KCNQ2: variants seen among roughly 807,000 people sequenced by gnomAD.
KCNQ2 encodes the protein potassium voltage-gated channel subfamily Q member 2.
KCNQ2 carries 14 observed loss-of-function variants against 84.8 expected under a neutral mutation model. That is an observed-to-expected ratio of 0.17 (90% CI 0.11 to 0.26). The LOEUF (loss-of-function observed/expected upper bound fraction) is 0.26, where lower values mean the gene tolerates loss of function less well. KCNQ2 is among the 10% of genes least tolerant of loss of function. KCNQ2 has a pLI of 1.00. For synonymous variants in KCNQ2, 599 were observed against 554.1 expected, an observed-to-expected ratio of 1.08 and a Z score of -1.14; for missense variants, 788 against 1,254.0, an observed-to-expected ratio of 0.63 and a Z score of 5.61.
intron 15 of KCNQ2, among the ~76,000 whole-genome samples, chr20:63,410,683 G>A (rs1330996906): frequency 6.6e-6 from 1 of 152,184 alleles, no homozygotes; most frequent in Non-Finnish European, 1.5e-5. Context: ...GGAGGAGCAC[G>A]GGGCTGACAT....
chr20:63,419,143 G>C (rs988241788), intron 12 of KCNQ2, among the ~76,000 whole-genome samples: 1 of 152,230 alleles, frequency 6.6e-6, no homozygotes, highest in Non-Finnish European at 1.5e-5. Flanking sequence ...TTGGGAGAGG[G>C]AGCCGCGGGC....
At chr20:63,419,002 C>A (rs1192619889) in intron 12 of KCNQ2, among the ~76,000 whole-genome samples, 1 of 152,204 alleles carries the variant, frequency 6.6e-6, no homozygotes, top group Non-Finnish European at 1.5e-5. Flanking sequence ...CAGGCCTGCA[C>A]ACACCCAACA....
At chr20:63,429,016 C>G (rs1029622408) in intron 9 of KCNQ2, among the ~76,000 whole-genome samples, 2 of 152,020 alleles carry the variant, frequency 1.3e-5, no homozygotes, top group African/African-American at 4.8e-5. Context: ...TGCTCCGAGC[C>G]CCCTTCCCAG....
chr20:63,407,172 G>T lies in KCNQ2; in HGVS notation c.2091C>A (p.Gly697=). Residue 697 remains glycine, a synonymous_variant, in exon 17 of 17, where the codon GGC becomes GGA. Coordinates refer to ENST00000359125, the MANE Select transcript of KCNQ2 (RefSeq NM_172107.4). This position sits in a 1 kb window ranked among gnomAD's most constrained non-coding sequence, Gnocchi z 7.2. ...VKIVRSSSST[G]QKNFSAPPAA... ...CCGGGGGCGCCGAGAAGTTCTTCTG[G>T]CCCGTGGAGCTGCTGGAGCGCACGA... 6.2e-7 allele frequency: 1 copy of T among 1,603,012 alleles called. No individual in the cohort carries two copies.
chr20:63,443,084 CCATTATCACCACCAT>C (rs1466147256), intron 4 of KCNQ2, among the ~76,000 whole-genome samples: 2 of 46,658 alleles, frequency 4.3e-5, no homozygotes, highest in East Asian at 1.3e-3. Flanking sequence ...ACCACCACCA[CCATTATCACCACCAT>C]CACCATCACC....
In KCNQ2 at chr20:63,400,663, C is replaced by A; in HGVS notation, c.*5981G>T. The A allele has an allele frequency of 2.5e-6, 1 of 398,662 alleles. No individual in the cohort carries two copies. Among genetic ancestry groups the A allele is most frequent in the South Asian group, 1.3e-4 (1 of 7,866 alleles). The allele number at this position is 398,662 out of a possible 1,614,324, so 24.7% of individuals were successfully genotyped here. Reference sequence around the variant, plus strand: ...GCGCAAATGGGGAAGCTGCAGCCACCGTCACGGCCAGAGGATGGCAGACTG... The same window carrying A: ...GCGCAAATGGGGAAGCTGCAGCCACAGTCACGGCCAGAGGATGGCAGACTG... On this transcript the variant is annotated 3_prime_UTR_variant, in exon 17 of 17. Transcript: ENST00000359125. This position sits in a 1 kb window ranked among gnomAD's most constrained non-coding sequence, Gnocchi z 8.7.
intron 10 of KCNQ2, among the ~76,000 whole-genome samples, chr20:63,427,547 T>C (rs561683607): frequency 5.0e-4 from 76 of 152,382 alleles, no homozygotes; most frequent in Non-Finnish European, 7.3e-4. Context: ...GGGCGGGGCC[T>C]GCTCCCTCCG....
rs372098689 is a variant in KCNQ2, at chr20:63,414,234, G to T, written c.1526-41C>A. On this transcript the variant is annotated intron_variant, in intron 13 of 16. Coordinates refer to ENST00000359125, the MANE Select transcript of KCNQ2 (RefSeq NM_172107.4). This position sits in a 1 kb window ranked among gnomAD's most constrained non-coding sequence, Gnocchi z 6.6. ...CAGGCCGTGAGGGGCCGAGGGGGCC[G>T]GGAGACCTATTCCCGGGGTCCTGCA... 1 of 1,448,658 alleles carries T rather than the reference G, an allele frequency of 6.9e-7. No homozygotes were observed. Among genetic ancestry groups the T allele is most frequent in the Non-Finnish European group, 9.7e-7 (1 of 1,031,428 alleles). The allele number at this position is 1,448,658 out of a possible 1,614,324, so 89.7% of individuals were successfully genotyped here.
At chr20:63,443,014 C>T (rs1247451204) in intron 4 of KCNQ2, among the ~76,000 whole-genome samples, 3 of 68,776 alleles carry the variant, frequency 4.4e-5, no homozygotes, top group African/African-American at 5.4e-5. Flanking sequence ...CCATCACCAT[C>T]ACCACCACCA....
intron 12 of KCNQ2, among the ~76,000 whole-genome samples, chr20:63,418,038 C>T (rs2080350406): frequency 6.6e-6 from 1 of 152,170 alleles, no homozygotes; most frequent in African/African-American, 2.4e-5. Flanking sequence ...TGGACATGTC[C>T]TTCCCTCCCC....
At chr20:63,409,044 T>C (rs964692650) in intron 15 of KCNQ2, among the ~76,000 whole-genome samples, 13 of 152,118 alleles carry the variant, frequency 8.5e-5, no homozygotes, top group African/African-American at 3.1e-4. Flanking sequence ...CCGGGTCTGA[T>C]GGGGACGGAG....
intron 6 of KCNQ2, among the ~76,000 whole-genome samples, chr20:63,439,112 G>A (rs756325700): frequency 2.0e-5 from 3 of 152,220 alleles, no homozygotes; most frequent in African/African-American, 4.8e-5. Flanking sequence ...CCATCTTGAA[G>A]GGCACACAGT....
At chr20:63,442,716 C>CCATCATCACCAT (rs2081215717) in intron 4 of KCNQ2, among the ~76,000 whole-genome samples, 185 bp from the exon 5 acceptor site, 1 of 56,466 alleles carries the variant, frequency 1.8e-5, no homozygotes, top group Admixed American at 1.8e-4. Context: ...ATCACCACCA[C>CCATCATCACCAT]CACCACCATC....
chr20:63,454,086 G>A (rs575303002), intron 1 of KCNQ2, among the ~76,000 whole-genome samples: 21 of 152,310 alleles, frequency 1.4e-4, no homozygotes, highest in Admixed American at 7.2e-4. Flanking sequence ...GAATGCAGCC[G>A]GATGCGGCCG....
At chr20:63,445,622 T>TGAGGACTCTATCCGGGCTA in intron 2 of KCNQ2, 2 of 581,602 alleles carry the variant, frequency 3.4e-6, no homozygotes, top group Non-Finnish European at 6.1e-6. Context: ...CTGTCTGAGC[T>TGAGGACTCTATCCGGGCTA]GGGGACTCTA....
intron 10 of KCNQ2, among the ~76,000 whole-genome samples, chr20:63,427,347 G>A (rs73146504): frequency 0.029 from 4,424 of 152,374 alleles, 88 homozygotes; most frequent in Non-Finnish European, 0.044. Context: ...TCTAGGAAAC[G>A]AGCCCTTGGC....
chr20:63,460,432 G>C lies in KCNQ2; in HGVS notation c.296+11736C>G, dbSNP rs1036821001. Among the ~76,000 whole-genome samples the C allele has an allele frequency of 1.3e-5, 2 of 152,012 alleles. No homozygotes were observed. Among genetic ancestry groups the C allele is most frequent in the African/African-American group, 4.8e-5 (2 of 41,398 alleles). On this transcript the variant is annotated intron_variant, in intron 1 of 16. Coordinates refer to ENST00000359125, the MANE Select transcript of KCNQ2 (RefSeq NM_172107.4). This position sits in a 1 kb window ranked among gnomAD's most constrained non-coding sequence, Gnocchi z 5.4. ...CCCAACAGTGGCACTCCTGACCGAGGCTCCCAGCAGGCCTTCCCCCCCACA... is the reference window on the plus strand; with the variant it reads ...CCCAACAGTGGCACTCCTGACCGAGCCTCCCAGCAGGCCTTCCCCCCCACA...
intron 9 of KCNQ2, among the ~76,000 whole-genome samples, chr20:63,428,858 T>C (rs1283677173): frequency 6.6e-6 from 1 of 152,138 alleles, no homozygotes; most frequent in African/African-American, 2.4e-5. Flanking sequence ...ACACAGCCAC[T>C]TTCTCTGCCA....
chr20:63,411,566 C>G (rs2080122594), intron 15 of KCNQ2, among the ~76,000 whole-genome samples: 1 of 152,208 alleles, frequency 6.6e-6, no homozygotes, highest in African/African-American at 2.4e-5. Context: ...AGCAGTGGGG[C>G]CCCTGGCAGT....
Sources: allele counts gnomAD v4.1 joint callset (sites outside exome capture counted in the v4.1 genomes callset), GRCh38; gene constraint gnomAD v4.1.1; non-coding constraint Gnocchi (gnomAD v3.1); transcripts MANE v1.5; gene names NCBI Gene and HGNC (gene_info 2026-07-23, HGNC 2026-07-21).